ANO4: variants seen among roughly 807,000 people sequenced by gnomAD.
The protein encoded by ANO4 is anoctamin-4.
ANO4 carries 69 observed loss-of-function variants against 141.9 expected under a neutral mutation model. The ratio of observed to expected loss-of-function variants is 0.49; its 90% CI spans 0.40 to 0.59. The LOEUF is 0.59. Ranked by LOEUF, ANO4 falls within the 20% of genes least tolerant of loss-of-function variation. The pLI is 0.00. For missense variants in ANO4, 894 were observed against 1,162.2 expected (o/e 0.77, Z 3.36); for synonymous variants, 350 against 394.3 (o/e 0.89, Z 1.33).
intron 3 of ANO4, among the ~76,000 whole-genome samples, chr12:100,758,703 C>T (rs1028199919): frequency 7.9e-5 from 12 of 152,144 alleles, no homozygotes; most frequent in African/African-American, 2.9e-4. Flanking sequence ...GCTGGATGAC[C>T]TAAAACAACA....
chr12:100,946,592 C>T (rs1040388539), intron 5 of ANO4, among the ~76,000 whole-genome samples: 1 of 152,164 alleles, frequency 6.6e-6, no homozygotes, highest in African/African-American at 2.4e-5. Flanking sequence ...ACAGTTGCCA[C>T]TTACAGGGAT....
intron 1 of ANO4, among the ~76,000 whole-genome samples, chr12:100,723,706 G>A (rs953538750): frequency 5.3e-5 from 8 of 152,114 alleles, no homozygotes; most frequent in African/African-American, 1.7e-4. Flanking sequence ...TTACTAGTCA[G>A]TTCTCTAGAA....
At chr12:101,017,329 A>T (rs2046352925) in intron 8 of ANO4, among the ~76,000 whole-genome samples, 1 of 151,908 alleles carries the variant, frequency 6.6e-6, no homozygotes, top group Non-Finnish European at 1.5e-5. Flanking sequence ...GGAAAAACTC[A>T]CCCCCATGAT....
chr12:100,766,305 T>G (rs2033078921), intron 3 of ANO4, among the ~76,000 whole-genome samples: 1 of 152,182 alleles, frequency 6.6e-6, no homozygotes, highest in South Asian at 2.1e-4. Context: ...AGTCTTCTTT[T>G]TCTAGTTCCT....
At chr12:100,857,100 C>T (rs192760712) in intron 1 of ANO4, among the ~76,000 whole-genome samples, 8 of 152,188 alleles carry the variant, frequency 5.3e-5, no homozygotes, top group South Asian at 2.1e-4. Flanking sequence ...CATCATGGGG[C>T]GTATGGAGAC....
At chr12:100,821,226 C>G (rs568715700) in intron 1 of ANO4, among the ~76,000 whole-genome samples, 1 of 152,012 alleles carries the variant, frequency 6.6e-6, no homozygotes, top group South Asian at 2.1e-4. Flanking sequence ...GTAATCAAAA[C>G]TTAGTAGTAA....
At position 100,736,504 on chromosome 12, in the gene ANO4, T is replaced by C. The variant is rs141939968; in HGVS notation, c.106+2647T>C. 1.5e-4 allele frequency among the ~76,000 whole-genome samples: 23 copies of C among 152,276 alleles called. No individual in the cohort carries two copies. The East Asian group carries it at 4.1e-3, about 27-fold the overall frequency. ...GGCTCCTATTGGATGACACTCTTGT[T>C]ACCTGACATCTTGCAGACTTGGGCC... On this transcript the variant is annotated intron_variant, in intron 2 of 29. Transcript: ENST00000644049.
intron 10 of ANO4, among the ~76,000 whole-genome samples, chr12:101,038,014 C>CTT (rs35252877): frequency 5.3e-5 from 8 of 151,718 alleles, no homozygotes; most frequent in South Asian, 2.1e-4. Flanking sequence ...CCAAAACATA[C>CTT]TTTTTTTTGG....
chr12:100,871,676 A>G (rs1443151922), intron 1 of ANO4, among the ~76,000 whole-genome samples: 1 of 152,202 alleles, frequency 6.6e-6, no homozygotes, highest in Non-Finnish European at 1.5e-5. Flanking sequence ...ATATCCAAGC[A>G]CTGACAGATT....
chr12:101,077,988 T>C (rs2049091944), intron 14 of ANO4, among the ~76,000 whole-genome samples: 1 of 152,196 alleles, frequency 6.6e-6, no homozygotes, highest in Non-Finnish European at 1.5e-5. Flanking sequence ...TTTAGGACTG[T>C]CTAGGCTACA....
intron 25 of ANO4, among the ~76,000 whole-genome samples, chr12:101,120,230 A>G (rs1450437741): frequency 6.6e-6 from 1 of 152,168 alleles, no homozygotes; most frequent in East Asian, 1.9e-4. Context: ...ACTAAGTGAT[A>G]GTTCTGGCAG....
intron 9 of ANO4, among the ~76,000 whole-genome samples, chr12:101,024,324 G>A (rs537865144): frequency 2.0e-5 from 3 of 152,052 alleles, no homozygotes; most frequent in South Asian, 2.1e-4. Context: ...GGCCAGGCAC[G>A]GTGGCTCATG....
At chr12:100,901,505 A>T (rs1267641335) in intron 1 of ANO4, 141 bp from the exon 2 acceptor site, 2 of 473,028 alleles carry the variant, frequency 4.2e-6, no homozygotes, top group Non-Finnish European at 7.4e-6. Context: ...GTAACTAAGG[A>T]TGTCTACTTT....
chr12:101,065,932 T>C (rs582471), intron 14 of ANO4, among the ~76,000 whole-genome samples: 107,789 of 152,144 alleles, frequency 0.71, 39,071 homozygotes, highest in East Asian at 0.89. Context: ...TGGGATTTAT[T>C]CCAGAGATGC....
At chr12:100,935,672 T>C (rs2042257151) in intron 3 of ANO4, among the ~76,000 whole-genome samples, 1 of 152,216 alleles carries the variant, frequency 6.6e-6, no homozygotes, top group Non-Finnish European at 1.5e-5. Context: ...GACAGTGAGC[T>C]CTGAGAGCAG....
At chr12:100,807,407 A>G (rs1204517747) in intron 1 of ANO4, among the ~76,000 whole-genome samples, 1 of 152,136 alleles carries the variant, frequency 6.6e-6, no homozygotes, top group Non-Finnish European at 1.5e-5. Context: ...AATATATGAT[A>G]TGGCTAGCCT....
At chr12:101,039,195 A>G (rs576600693) in intron 10 of ANO4, 14 of 152,166 alleles carry the variant, frequency 9.2e-5, no homozygotes, top group African/African-American at 3.1e-4. Flanking sequence ...TTTACCAACT[A>G]TCCTATCTTG....
chr12:100,812,397 T>C (rs2035494088), intron 1 of ANO4, among the ~76,000 whole-genome samples: 1 of 152,170 alleles, frequency 6.6e-6, no homozygotes, highest in African/African-American at 2.4e-5. Context: ...TATAGGGAAG[T>C]AGCTCTGTTG....
rs775630950 is a variant in ANO4, at chr12:100,923,746, C to T, written c.160+1416C>T. On this transcript the variant is annotated intron_variant, in intron 3 of 27. Transcript: ENST00000392977. ...CACAATTGTTGAACTAATTTACACT[C>T]CCACCAACAGTGTAAAAGCATTCCT... 3.9e-5 allele frequency among the ~76,000 whole-genome samples: 6 copies of T among 152,120 alleles called. No homozygotes were observed. In the South Asian group the frequency reaches 6.2e-4, roughly 16 times the overall value.
Sources: allele counts gnomAD v4.1 joint callset (sites outside exome capture counted in the v4.1 genomes callset), GRCh38; gene constraint gnomAD v4.1.1; transcripts MANE v1.5; gene names NCBI Gene and HGNC (gene_info 2026-07-23, HGNC 2026-07-21).